Variants in CNDP1 observed in about 807,000 individuals in gnomAD.
CNDP1 encodes the protein carnosine dipeptidase 1.
Under a neutral mutation model 58.1 loss-of-function variants are expected in CNDP1, and 44 were observed. The ratio of observed to expected loss-of-function variants is 0.76; its 90% confidence interval spans 0.60 to 0.97. The LOEUF is 0.97. Ranked by LOEUF, CNDP1 falls within the 50% of genes least tolerant of loss-of-function variation. The pLI, the probability that CNDP1 is intolerant of heterozygous loss-of-function variation, is 0.00. For synonymous variants in CNDP1, 254 were observed against 252.6 expected (o/e 1.01, Z -0.05); for missense variants, 616 against 655.1 (o/e 0.94, Z 0.65).
At chr18:74,541,472 G>A (rs1485203773) in intron 1 of CNDP1, among the ~76,000 whole-genome samples, 1 of 152,174 alleles carries the variant, frequency 6.6e-6, no homozygotes, top group Non-Finnish European at 1.5e-5. Flanking sequence ...CTGGAGCTGA[G>A]AGCCAGCTCC....
At chr18:74,554,952 G>A (rs1045716845) in intron 1 of CNDP1, among the ~76,000 whole-genome samples, 5 of 151,956 alleles carry the variant, frequency 3.3e-5, no homozygotes, top group East Asian at 1.9e-4. Flanking sequence ...AAGCAACATC[G>A]GCGGGGCCAC....
At chr18:74,555,538 C>T (rs1981015739) in intron 1 of CNDP1, among the ~76,000 whole-genome samples, 1 of 152,174 alleles carries the variant, frequency 6.6e-6, no homozygotes, top group East Asian at 1.9e-4. Context: ...AAGGGGTGAC[C>T]TTGCCCACTT....
intron 4 of CNDP1, chr18:74,561,392 G>C (rs1981193005): frequency 6.4e-6 from 1 of 156,214 alleles, no homozygotes; most frequent in South Asian, 2.1e-4. Context: ...CATTCTGCTT[G>C]GGTGACGGAG....
chr18:74,578,261 C>A lies in CNDP1; in HGVS notation c.1101C>A (p.Gly367=), dbSNP rs145787549. Residue 367 remains glycine (G), a synonymous_variant, in exon 9 of 12, where the codon GGC becomes GGA. Transcript: ENST00000358821. ...DEPGTKTVIP[G]RVIGKFSIRL... ...CTGGAACTAAAACAGTCATACCTGG[C>A]CGAGTTATAGGAAAATTTTCAATCC... 1.8e-5 allele frequency: 29 copies of A among 1,613,760 alleles called. No individual in the cohort carries two copies. Among genetic ancestry groups the A allele is most frequent in the Non-Finnish European group, 2.4e-5 (28 of 1,179,950 alleles).
chr18:74,562,250 A>T (rs1188656269), intron 5 of CNDP1, 115 bp downstream of exon 5: 9 of 870,210 alleles, frequency 1.0e-5, no homozygotes, highest in Admixed American at 1.9e-5. Context: ...CGCCCCAACA[A>T]TCTTTGGAGG....
Position 74,583,699 on chromosome 18 carries a change from A to T in CNDP1, c.1448A>T (p.Lys483Ile). 1 of 1,614,192 alleles carries T rather than the reference A, an allele frequency of 6.2e-7. No individual in the cohort carries two copies. The highest frequency in any genetic ancestry group is 8.5e-7 in the Non-Finnish European group (1 of 1,180,016). ...GATGGAGAACATTCGCAGAATGAGA[A>T]AATCAACAGGTCAGCTGATGCCTGT... ...VDDGEHSQNE[K>I]INRWNYIEGT... Residue 483 changes from lysine (K) to isoleucine (I), a missense_variant, in exon 11 of 12, where the codon AAA becomes ATA. By Grantham distance (102) the Lys-to-Ile change is moderately radical. Coordinates refer to ENST00000358821, the MANE Select transcript of CNDP1 (RefSeq NM_032649.6).
chr18:74,567,172 G>A, intron 5 of CNDP1, 61 bp from the exon 6 acceptor site: 1 of 1,326,604 alleles, frequency 7.5e-7, no homozygotes, highest in Non-Finnish European at 1.1e-6. Context: ...GAGATTTGGT[G>A]GGGACACAGC....
intron 1 of CNDP1, among the ~76,000 whole-genome samples, chr18:74,539,346 C>T (rs1030688211): frequency 6.6e-6 from 1 of 152,126 alleles, no homozygotes; most frequent in Non-Finnish European, 1.5e-5. Context: ...GCTAATTTTC[C>T]GCCATCCACT....
chr18:74,550,668 C>A (rs1431747114), intron 1 of CNDP1, among the ~76,000 whole-genome samples: 1 of 150,202 alleles, frequency 6.7e-6, no homozygotes, highest in African/African-American at 2.5e-5. Flanking sequence ...GCTCTGCCTC[C>A]TGGGTTCATG....
intron 1 of CNDP1, among the ~76,000 whole-genome samples, chr18:74,536,946 G>A (rs1209738167): frequency 1.3e-5 from 2 of 152,094 alleles, no homozygotes. Context: ...CTTTTGAAAA[G>A]TGTCTGTTCA....
At chr18:74,551,736 C>G (rs1980915284) in intron 1 of CNDP1, among the ~76,000 whole-genome samples, 1 of 152,132 alleles carries the variant, frequency 6.6e-6, no homozygotes, top group Non-Finnish European at 1.5e-5. Context: ...CTATTCTCTC[C>G]TAACAACAAT....
At chr18:74,552,406 A>G (rs987545577) in intron 1 of CNDP1, among the ~76,000 whole-genome samples, 1 of 152,178 alleles carries the variant, frequency 6.6e-6, no homozygotes, top group Non-Finnish European at 1.5e-5. Flanking sequence ...TCATCACCCC[A>G]AATTCATTAG....
chr18:74,547,749 C>T (rs893046967), intron 1 of CNDP1, among the ~76,000 whole-genome samples: 1 of 152,196 alleles, frequency 6.6e-6, no homozygotes, highest in Admixed American at 6.5e-5. Flanking sequence ...GATGTCAAGA[C>T]ACTAAGAAGA....
rs1343807579 is a variant in CNDP1, at chr18:74,573,348, CCATT to C, written c.841+2083_841+2086del. ...ATGTATCATTTTTCTATCCATCCAT[CCATT>C]CATTATCTATCCATCTATCATCTTT... On this transcript the variant is annotated intron_variant, in intron 7 of 11. Transcript: ENST00000358821. Among the ~76,000 whole-genome samples, 14 of 152,178 alleles carry C rather than the reference CCATT, an allele frequency of 9.2e-5. No homozygotes were observed. The South Asian group carries it at 1.0e-3, about 11-fold the overall frequency.
chr18:74,576,599 T>G, intron 7 of CNDP1: 1 of 362,472 alleles, frequency 2.8e-6, no homozygotes. Context: ...TCCGACCTCA[T>G]TTGTTGCAGG....
chr18:74,579,984 C>G, intron 9 of CNDP1, 146 bp from the exon 10 acceptor site: 1 of 703,394 alleles, frequency 1.4e-6, no homozygotes, highest in Non-Finnish European at 2.4e-6. Context: ...AATCACAACA[C>G]TTGCGTGTGT....
intron 5 of CNDP1, among the ~76,000 whole-genome samples, chr18:74,562,983 C>A (rs557553464): frequency 1.3e-5 from 2 of 152,290 alleles, no homozygotes; most frequent in East Asian, 1.9e-4. Flanking sequence ...GGTTTCATCT[C>A]CCCTGTCCTG....
At chr18:74,549,749 C>T (rs543001666) in intron 1 of CNDP1, among the ~76,000 whole-genome samples, 35 of 152,240 alleles carry the variant, frequency 2.3e-4, no homozygotes, top group Non-Finnish European at 3.1e-4. Flanking sequence ...GGAAGCCCCT[C>T]TCACCACAGG....
rs1262722335 is a variant in CNDP1 at position 74,545,852 on chromosome 18, A to G, written c.25-10486A>G. Among the ~76,000 whole-genome samples, 1 of 152,196 alleles carries G rather than the reference A, an allele frequency of 6.6e-6. No homozygotes were observed. The highest frequency in any genetic ancestry group is 2.4e-5 in the African/African-American group (1 of 41,436). ...ACAGCTACGATATCTCCAAAGGAGAATGTTCGCCTTGGGTTTTGGCTCCAG... is the reference window on the plus strand; with the variant it reads ...ACAGCTACGATATCTCCAAAGGAGAGTGTTCGCCTTGGGTTTTGGCTCCAG... On this transcript the variant is annotated intron_variant, in intron 1 of 11. Coordinates refer to ENST00000358821, the MANE Select transcript of CNDP1 (RefSeq NM_032649.6). This position sits in a 1 kb window ranked among gnomAD's most constrained non-coding sequence, Gnocchi z 4.1.
Sources: allele counts gnomAD v4.1 joint callset (sites outside exome capture counted in the v4.1 genomes callset), GRCh38; gene constraint gnomAD v4.1.1; non-coding constraint Gnocchi (gnomAD v3.1); transcripts MANE v1.5; gene names NCBI Gene and HGNC (gene_info 2026-07-23, HGNC 2026-07-21).